Variants in PHOX2A observed in about 807,000 individuals in gnomAD.
PHOX2A encodes paired like homeobox 2A, also known as paired mesoderm homeobox protein 2A.
A neutral mutation model predicts 16.4 loss-of-function variants in PHOX2A; 10 were observed. The ratio of observed to expected loss-of-function variants is 0.61; its 90% CI spans 0.38 to 1.04. The LOEUF (loss-of-function observed/expected upper bound fraction) is 1.04, where lower values mean the gene tolerates loss of function less well. PHOX2A is among the 50% of genes least tolerant of loss of function. PHOX2A has a pLI of 0.01. For synonymous variants in PHOX2A, 219 were observed against 203.8 expected, an observed-to-expected ratio of 1.07 and a Z score of -0.64; for missense variants, 361 against 419.4, an observed-to-expected ratio of 0.86 and a Z score of 1.22.
chr11:72,240,868 C>G (rs1301000798), intron 2 of PHOX2A, among the ~76,000 whole-genome samples: 1 of 152,210 alleles, frequency 6.6e-6, no homozygotes, highest in Non-Finnish European at 1.5e-5. Flanking sequence ...TCACTCGGAA[C>G]TTTCTGCCCT....
chr11:72,243,237 A>G (rs1949135724), intron 1 of PHOX2A, among the ~76,000 whole-genome samples: 1 of 152,098 alleles, frequency 6.6e-6, no homozygotes, highest in Admixed American at 6.5e-5. Flanking sequence ...GGGCTACGGG[A>G]TCTGGTTTTG....
intron 1 of PHOX2A, among the ~76,000 whole-genome samples, 173 bp from the exon 2 acceptor site, chr11:72,241,462 A>G (rs1307543896): frequency 1.3e-5 from 2 of 151,948 alleles, no homozygotes; most frequent in African/African-American, 2.4e-5. Context: ...CTATTACTCA[A>G]TGGAGCCGGC....
rs1203339283 is a variant in PHOX2A at position 72,243,947 on chromosome 11, C to T, written c.58G>A (p.Ala20Thr). 2.3e-6 allele frequency: 3 copies of T among 1,296,764 alleles called. No homozygotes were observed. The highest frequency in any genetic ancestry group is 6.4e-5 in the Admixed American group (2 of 31,148). The allele number at this position is 1,296,764 out of a possible 1,614,324, so 80.3% of individuals were successfully genotyped here. A position where few individuals can be genotyped will look rare whatever the true frequency, so the allele number is the denominator to read the frequency against. The change falls in exon 1 of 3, where the codon GCC (alanine) becomes ACC (threonine). Residue 20 changes from alanine (A) to threonine (T), a missense_variant. Around this residue, in one of 3 missense-constraint regions of PHOX2A, gnomAD observed 235 missense variants for 263.8 expected, o/e 0.89. Transcript: ENST00000298231. Reference sequence around the variant, plus strand: ...CTGCAGGCGCCAAAGTCGCCGTAGGCGGACGCCTCCATGGCCGCCACGCAC... The same window carrying T: ...CTGCAGGCGCCAAAGTCGCCGTAGGTGGACGCCTCCATGGCCGCCACGCAC... ...DSCVAAMEAS[A>T]YGDFGACSQP...
chr11:72,241,703 C>T (rs1372052056), intron 1 of PHOX2A, among the ~76,000 whole-genome samples: 2 of 151,726 alleles, frequency 1.3e-5, no homozygotes, highest in Non-Finnish European at 2.9e-5. Flanking sequence ...TACCCTGGCC[C>T]TGGATGTCTG....
In PHOX2A at chr11:72,240,017, G is replaced by GGCT. The variant is rs1029062875; in HGVS notation, c.586_587insAGC (p.Pro195_Pro196insGln). 7.0e-7 allele frequency: 1 copy of GGCT among 1,428,974 alleles called. No individual in the cohort carries two copies. The highest frequency in any genetic ancestry group is 1.5e-5 in the African/African-American group (1 of 66,666). 88.5% of individuals were successfully genotyped at this position (1,428,974 alleles called of 1,614,324 possible). On this transcript the variant is annotated inframe_insertion, in exon 3 of 3. Coordinates refer to ENST00000298231, the MANE Select transcript of PHOX2A (RefSeq NM_005169.4). ...GCGCGGGCTGGCCAGGCCGGGCGCA[G>GGCT]GCGGCGGCGGCAGCGAGGCGGTGCT...
In PHOX2A at chr11:72,239,481, A is replaced by T. The variant is rs1949092643; in HGVS notation, c.*268T>A. The T allele has an allele frequency of 2.9e-6, 1 of 350,854 alleles. No individual in the cohort carries two copies. The highest frequency in any genetic ancestry group is 2.1e-5 in the African/African-American group (1 of 47,510). 21.7% of individuals were successfully genotyped at this position (350,854 alleles called of 1,614,324 possible). On this transcript the variant is annotated 3_prime_UTR_variant, in exon 3 of 3. Transcript: ENST00000298231. ...CAGGCCTCATGTGATACCGCATCCA[A>T]AGAAGGCCAAGCTAGAAGGAGCTCC... is the stretch of plus-strand genomic sequence containing the variant.
chr11:72,243,939 G>A lies in PHOX2A; in HGVS notation c.66C>T (p.Gly22=), dbSNP rs758428790. Residue 22 remains glycine, a synonymous_variant, in exon 1 of 3, where the codon GGC becomes GGT. Coordinates refer to ENST00000298231, the MANE Select transcript of PHOX2A (RefSeq NM_005169.4). ...CGGGCTGGCTGCAGGCGCCAAAGTC[G>A]CCGTAGGCGGACGCCTCCATGGCCG... ...CVAAMEASAY[G]DFGACSQPGG... The A allele has an allele frequency of 1.2e-5, 16 of 1,310,392 alleles. No individual in the cohort carries two copies. The highest frequency in any genetic ancestry group is 2.9e-5 in the East Asian group (1 of 34,848). 81.2% of individuals were successfully genotyped at this position (1,310,392 alleles called of 1,614,324 possible).
chr11:72,239,685 T>G lies in PHOX2A; in HGVS notation c.*64A>C. On this transcript the variant is annotated 3_prime_UTR_variant, in exon 3 of 3. Transcript: ENST00000298231. ...GGCGGGTGGCCAGGATGGGAGGGGC[T>G]GTCAGGTCCTGGAGGGGCAGGGACG... is the stretch of plus-strand genomic sequence containing the variant. 1 of 1,212,786 alleles carries G rather than the reference T, an allele frequency of 8.2e-7. No individual in the cohort carries two copies. The highest frequency in any genetic ancestry group is 1.1e-6 in the Non-Finnish European group (1 of 945,532). 75.1% of individuals were successfully genotyped at this position (1,212,786 alleles called of 1,614,324 possible).
In PHOX2A at chr11:72,243,917, G is replaced by A; in HGVS notation, c.88C>T (p.Pro30Ser). ...AGGGGGCTGTATTGGAAGCCGCCGG[G>A]CTGGCTGCAGGCGCCAAAGTCGCCG... is the stretch of plus-strand genomic sequence containing the variant. ...AYGDFGACSQ[P>S]GGFQYSPLRP... The change falls in exon 1 of 3, where the codon CCC becomes TCC. Residue 30 changes from proline (P) to serine (S), a missense_variant. Physicochemically the swap from Pro to Ser is moderately conservative, Grantham distance 74. This residue lies in a region of PHOX2A where 235 missense variants were observed against 263.8 expected (regional missense o/e 0.89). Coordinates refer to ENST00000298231, the MANE Select transcript of PHOX2A (RefSeq NM_005169.4). 1.5e-6 allele frequency: 2 copies of A among 1,301,838 alleles called. No homozygotes were observed. Among genetic ancestry groups the A allele is most frequent in the African/African-American group, 1.5e-5 (1 of 65,790 alleles). 80.6% of individuals were successfully genotyped at this position (1,301,838 alleles called of 1,614,324 possible).
intron 1 of PHOX2A, among the ~76,000 whole-genome samples, chr11:72,242,552 AG>A (rs2135457150): frequency 6.6e-6 from 1 of 152,122 alleles, no homozygotes; most frequent in African/African-American, 2.4e-5. Context: ...CATCTGGCTC[AG>A]GGTACCCAAT....
In PHOX2A at chr11:72,243,831, T is replaced by C; in HGVS notation, c.174A>G (p.Ala58=). 8.0e-7 allele frequency: 1 copy of C among 1,251,756 alleles called. No individual in the cohort carries two copies. The highest frequency in any genetic ancestry group is 1.0e-6 in the Non-Finnish European group (1 of 995,664). 77.5% of individuals were successfully genotyped at this position (1,251,756 alleles called of 1,614,324 possible). A position where few individuals can be genotyped will look rare whatever the true frequency, so the allele number is the denominator to read the frequency against. ...PCPALGSSNC[A]LGALRDHQPA... Reference sequence around the variant, plus strand: ...GCTGGTGGTCGCGTAGGGCGCCAAGTGCGCAGTTGGAGGAGCCGAGCGCGG... The same window carrying C: ...GCTGGTGGTCGCGTAGGGCGCCAAGCGCGCAGTTGGAGGAGCCGAGCGCGG... The change falls in exon 1 of 3, where the codon GCA becomes GCG. Residue 58 remains alanine, a synonymous_variant. Coordinates refer to ENST00000298231, the MANE Select transcript of PHOX2A (RefSeq NM_005169.4).
intron 1 of PHOX2A, among the ~76,000 whole-genome samples, chr11:72,243,240 T>C (rs1949135758): frequency 6.6e-6 from 1 of 152,164 alleles, no homozygotes; most frequent in Non-Finnish European, 1.5e-5. Context: ...CTACGGGATC[T>C]GGTTTTGGTG....
chr11:72,243,463 C>G (rs1949137515), intron 1 of PHOX2A, among the ~76,000 whole-genome samples: 1 of 151,976 alleles, frequency 6.6e-6, no homozygotes, highest in African/African-American at 2.4e-5. Flanking sequence ...AAAGATCCAG[C>G]GCTTGTAGAG....
chr11:72,243,808 T>C lies in PHOX2A; in HGVS notation c.197A>G (p.Gln66Arg). The change falls in exon 1 of 3, where the codon CAG becomes CGG. Residue 66 changes from glutamine to arginine, a missense_variant. By Grantham distance (43) the Gln-to-Arg change is conservative (BLOSUM62 1). Transcript: ENST00000298231. ...NCALGALRDH[Q>R]PAPYSAVPYK... is the part of the protein sequence containing the mutation. ...CTCACCTGCCGAGTAGGGCGCGGGC[T>C]GGTGGTCGCGTAGGGCGCCAAGTGC... 8.0e-7 allele frequency: 1 copy of C among 1,249,324 alleles called. No homozygotes were observed. The highest frequency in any genetic ancestry group is 1.0e-6 in the Non-Finnish European group (1 of 995,746). 77.4% of individuals were successfully genotyped at this position (1,249,324 alleles called of 1,614,324 possible).
Position 72,239,752 on chromosome 11 carries a change from G to T in PHOX2A, c.852C>A (p.Phe284Leu), listed in dbSNP as rs1336693230. Reference sequence around the variant, plus strand: ...CGGAGCCTCCAGAGGCCGGCAGCTAGAAGAGATTGGTCTTCAGGGCGGGGC... The same window carrying T: ...CGGAGCCTCCAGAGGCCGGCAGCTATAAGAGATTGGTCTTCAGGGCGGGGC... ...KPGPALKTNLF is the reference protein window; with the variant it reads ...KPGPALKTNLL Residue 284 changes from phenylalanine (F) to leucine (L), a missense_variant, in exon 3 of 3, where the codon TTC (phenylalanine) becomes TTA (leucine). By Grantham distance (22) the Phe-to-Leu change is conservative. Around this residue, in one of 3 missense-constraint regions of PHOX2A, gnomAD observed 71 missense variants for 54.1 expected, o/e 1.31. Transcript: ENST00000298231. 5 of 1,314,038 alleles carry T rather than the reference G, an allele frequency of 3.8e-6. No individual in the cohort carries two copies. The allele number at this position is 1,314,038 out of a possible 1,614,324, so 81.4% of individuals were successfully genotyped here. A position where few individuals can be genotyped will look rare whatever the true frequency, so the allele number is the denominator to read the frequency against.
Position 72,239,503 on chromosome 11 carries a change from C to T in PHOX2A, c.*246G>A. The T allele has an allele frequency of 1.1e-5, 4 of 378,628 alleles. No individual in the cohort carries two copies. The highest frequency in any genetic ancestry group is 1.9e-5 in the Non-Finnish European group (4 of 213,782). 23.5% of individuals were successfully genotyped at this position (378,628 alleles called of 1,614,324 possible). ...CCAAAGAAGGCCAAGCTAGAAGGAG[C>T]TCCGGGGTTCTCCTGGAGGAGGTCC... On this transcript the variant is annotated 3_prime_UTR_variant, in exon 3 of 3. Coordinates refer to ENST00000298231, the MANE Select transcript of PHOX2A (RefSeq NM_005169.4).
At chr11:72,241,359 CGTTGTGTCCA>C in intron 1 of PHOX2A, 70 bp from the exon 2 acceptor site, 1 of 975,114 alleles carries the variant, frequency 1.0e-6, no homozygotes, top group Non-Finnish European at 1.5e-6. Flanking sequence ...GAGTTCAACC[CGTTGTGTCCA>C]GCTCCGGGGG....
At chr11:72,240,740 CGGGGTAGGGAACCCCAG>C (rs1159424133) in intron 2 of PHOX2A, among the ~76,000 whole-genome samples, 1 of 152,206 alleles carries the variant, frequency 6.6e-6, no homozygotes, top group Non-Finnish European at 1.5e-5. Flanking sequence ...GCTGCAGCGC[CGGGGTAGGGAACCCCAG>C]GGGTGCTGAC....
rs917234358 is a variant in PHOX2A at position 72,239,208 on chromosome 11, C to T, written c.*541G>A. On this transcript the variant is annotated 3_prime_UTR_variant, in exon 3 of 3. Coordinates refer to ENST00000298231, the MANE Select transcript of PHOX2A (RefSeq NM_005169.4). Reference sequence around the variant, plus strand: ...TGTCCCATTCCCCAGGCAGCCCCTCCACTCCTCTAACAGGTCCACCCTCTG... The same window carrying T: ...TGTCCCATTCCCCAGGCAGCCCCTCTACTCCTCTAACAGGTCCACCCTCTG... The T allele has an allele frequency of 6.6e-6, 1 of 152,604 alleles. No individual in the cohort carries two copies. Among genetic ancestry groups the T allele is most frequent in the Non-Finnish European group, 1.5e-5 (1 of 68,346 alleles). 9.5% of individuals were successfully genotyped at this position (152,604 alleles called of 1,614,324 possible).
Sources: gnomAD v4.1 joint callset for allele counts (sites outside exome capture counted in the v4.1 genomes callset) on GRCh38, gnomAD v4.1.1 for gene constraint, gnomAD v4.1.1 regional missense constraint, MANE v1.5 for transcripts, NCBI Gene and HGNC (gene_info 2026-07-23, HGNC 2026-07-21) for gene names.